The following PHACTR1 variants were observed in gnomAD, a reference collection of about 807,000 sequenced individuals.
PHACTR1 encodes phosphatase and actin regulator 1.
In PHACTR1, 16 loss-of-function variants were observed where a neutral mutation model predicts 69.2. The ratio of observed to expected loss-of-function variants is 0.23; its 90% CI spans 0.16 to 0.35. The LOEUF is 0.35. Among genes scored for constraint, PHACTR1 ranks in the 10% least tolerant of loss-of-function variants. The pLI is 1.00. For missense variants in PHACTR1, 510 were observed against 734.7 expected, an observed-to-expected ratio of 0.69 and a Z score of 3.54; for synonymous variants, 312 against 284.5, an observed-to-expected ratio of 1.10 and a Z score of -0.97.
At chr6:13,163,560 A>G (rs570339048) in intron 6 of PHACTR1, among the ~76,000 whole-genome samples, 35 of 152,308 alleles carry the variant, frequency 2.3e-4, no homozygotes, top group Non-Finnish European at 4.4e-4. Flanking sequence ...GCTAAAATGA[A>G]AACTTCGTTG....
At position 12,770,046 on chromosome 6, in the gene PHACTR1, A is replaced by G. The variant is rs758725166; in HGVS notation, c.250+20256A>G. Among the ~76,000 whole-genome samples, 27 of 152,320 alleles carry G rather than the reference A, an allele frequency of 1.8e-4. 1 individual carries two copies. Among genetic ancestry groups the G allele is most frequent in the Non-Finnish European group, 1.9e-4 (13 of 68,028 alleles). On this transcript the variant is annotated intron_variant, in intron 4 of 14. Transcript: ENST00000332995. ...CAATTCTGTTTGGGATGCTGATGCG[A>G]TTTGAAATGTCACAGGATGTGGGAA... is the stretch of plus-strand genomic sequence containing the variant.
chr6:12,818,124 T>C (rs1422769906), intron 4 of PHACTR1, among the ~76,000 whole-genome samples: 1 of 152,144 alleles, frequency 6.6e-6, no homozygotes, highest in Non-Finnish European at 1.5e-5. Context: ...TCCCCGGCCT[T>C]AAATTGTAAT....
chr6:12,791,960 G>A (rs1328177607), intron 4 of PHACTR1, among the ~76,000 whole-genome samples: 1 of 152,176 alleles, frequency 6.6e-6, no homozygotes, highest in Non-Finnish European at 1.5e-5. Context: ...CAAAGCAAGA[G>A]GGATATAAAG....
intron 5 of PHACTR1, among the ~76,000 whole-genome samples, chr6:13,065,667 G>T (rs1048624560): frequency 2.0e-5 from 3 of 152,076 alleles, no homozygotes; most frequent in Non-Finnish European, 4.4e-5. Flanking sequence ...TTTTAAGATT[G>T]GTTAGATTGT....
At chr6:12,729,945 G>A (rs570842475) in intron 3 of PHACTR1, among the ~76,000 whole-genome samples, 51 of 152,262 alleles carry the variant, frequency 3.3e-4, no homozygotes, top group African/African-American at 1.0e-3. Flanking sequence ...GGGCCTGCTC[G>A]GTGAATGATG....
chr6:13,035,205 T>C (rs1040441369), intron 4 of PHACTR1, among the ~76,000 whole-genome samples: 15 of 152,254 alleles, frequency 9.9e-5, no homozygotes, highest in African/African-American at 3.6e-4. Flanking sequence ...CACCAGCTAA[T>C]GGGCTCTGTT....
At chr6:12,732,122 C>T (rs572754478) in intron 3 of PHACTR1, among the ~76,000 whole-genome samples, 11 of 152,072 alleles carry the variant, frequency 7.2e-5, no homozygotes, top group African/African-American at 2.7e-4. Context: ...ACGGGAGTGT[C>T]TTACGATACA....
chr6:12,791,963 A>T (rs1331160222), intron 4 of PHACTR1, among the ~76,000 whole-genome samples: 14 of 152,298 alleles, frequency 9.2e-5, no homozygotes, highest in Admixed American at 7.8e-4. Flanking sequence ...AGCAAGAGGG[A>T]TATAAAGTAA....
intron 4 of PHACTR1, among the ~76,000 whole-genome samples, chr6:12,798,662 C>T (rs1053045247): frequency 6.6e-6 from 1 of 152,194 alleles, no homozygotes; most frequent in African/African-American, 2.4e-5. Flanking sequence ...GGTGTGGTGA[C>T]TTGTCCTGTA....
At chr6:13,151,397 A>T (rs1289011892) in intron 5 of PHACTR1, among the ~76,000 whole-genome samples, 1 of 152,204 alleles carries the variant, frequency 6.6e-6, no homozygotes, top group African/African-American at 2.4e-5. Flanking sequence ...GGAACATAAG[A>T]GTTTCTTTCT....
chr6:13,027,505 G>A (rs1801863399), intron 4 of PHACTR1, among the ~76,000 whole-genome samples: 1 of 152,016 alleles, frequency 6.6e-6, no homozygotes, highest in Admixed American at 6.5e-5. Context: ...AAGTTAAGGG[G>A]GCTATGTTGT....
intron 4 of PHACTR1, among the ~76,000 whole-genome samples, chr6:13,012,361 C>T (rs940633130): frequency 2.0e-5 from 3 of 152,194 alleles, no homozygotes; most frequent in African/African-American, 7.2e-5. Flanking sequence ...TAGCAAAGAC[C>T]TGCCTTTTGT....
chr6:12,985,696 A>G (rs1173611933), intron 4 of PHACTR1, among the ~76,000 whole-genome samples: 1 of 151,924 alleles, frequency 6.6e-6, no homozygotes, highest in Non-Finnish European at 1.5e-5. Flanking sequence ...ATTATGGTGT[A>G]ATTATGCAAT....
At chr6:13,180,798 C>T (rs1164210438) in intron 6 of PHACTR1, among the ~76,000 whole-genome samples, 2 of 152,136 alleles carry the variant, frequency 1.3e-5, no homozygotes, top group Non-Finnish European at 2.9e-5. Context: ...GGGGAGCATC[C>T]ATGATGGGAT....
At chr6:12,945,917 C>T (rs1044297679) in intron 4 of PHACTR1, among the ~76,000 whole-genome samples, 14 of 151,598 alleles carry the variant, frequency 9.2e-5, no homozygotes, top group Non-Finnish European at 1.3e-4. Flanking sequence ...TGGCCAAGAT[C>T]GTGCCACCGC....
intron 4 of PHACTR1, among the ~76,000 whole-genome samples, chr6:12,763,618 G>A (rs543790182): frequency 1.3e-5 from 2 of 152,304 alleles, no homozygotes; most frequent in African/African-American, 4.8e-5. Context: ...ACACAGACAA[G>A]GCTGGCATAA....
intron 4 of PHACTR1, among the ~76,000 whole-genome samples, chr6:12,828,564 A>C (rs537088003): frequency 6.6e-6 from 1 of 152,174 alleles, no homozygotes; most frequent in South Asian, 2.1e-4. Context: ...GTAGGGTATA[A>C]TATTCTTGCC....
At chr6:12,982,301 G>A (rs781251574) in intron 4 of PHACTR1, among the ~76,000 whole-genome samples, 9 of 152,124 alleles carry the variant, frequency 5.9e-5, no homozygotes, top group Admixed American at 6.5e-5. Context: ...AACTTTCTCC[G>A]GCTACTGCTT....
chr6:12,815,688 G>A (rs1262339895), intron 4 of PHACTR1, among the ~76,000 whole-genome samples: 2 of 152,152 alleles, frequency 1.3e-5, no homozygotes, highest in African/African-American at 2.4e-5. Flanking sequence ...TGGAAAAAGC[G>A]GTAAAGGGTG....
Sources: gnomAD v4.1 joint callset for allele counts (sites outside exome capture counted in the v4.1 genomes callset) on GRCh38, gnomAD v4.1.1 for gene constraint, MANE v1.5 for transcripts, NCBI Gene and HGNC (gene_info 2026-07-23, HGNC 2026-07-21) for gene names.